Variants in RTF1 observed in about 807,000 individuals in gnomAD.
The protein encoded by RTF1 is RTF1 homolog, Paf1/RNA polymerase II complex component, also known as RNA polymerase-associated protein RTF1 homolog.
In RTF1, 10 loss-of-function variants were observed where a neutral mutation model predicts 95.7. The observed-to-expected ratio is 0.10, with a 90% confidence interval of 0.06 to 0.18. The LOEUF (loss-of-function observed/expected upper bound fraction) is 0.18, where lower values mean the gene tolerates loss of function less well. RTF1 is among the 10% of genes least tolerant of loss of function. The pLI is 1.00. For missense variants in RTF1, 458 were observed against 875.6 expected (o/e 0.52, Z 6.02); for synonymous variants, 305 against 311.8 (o/e 0.98, Z 0.23).
Position 41,417,107 on chromosome 15 carries a change from G to A in RTF1, c.-9G>A, listed in dbSNP as rs1017760315. The A allele has an allele frequency of 5.7e-6, 7 of 1,236,116 alleles. No individual in the cohort carries two copies. Among genetic ancestry groups the A allele is most frequent in the African/African-American group, 1.6e-5 (1 of 64,140 alleles). 76.6% of individuals were successfully genotyped at this position (1,236,116 alleles called of 1,614,324 possible). A position where few individuals can be genotyped will look rare whatever the true frequency, so the allele number is the denominator to read the frequency against. On this transcript the variant is annotated 5_prime_UTR_variant, in exon 1 of 18. Transcript: ENST00000389629. ...GGGGGCGGGGCCAGGGGGGCGGAGC[G>A]GAGCGCGCATGCGCGGTCGCCTTTG... is the stretch of plus-strand genomic sequence containing the variant.
chr15:41,437,583 A>G (rs918134572), intron 1 of RTF1, among the ~76,000 whole-genome samples: 8 of 152,228 alleles, frequency 5.3e-5, no homozygotes. Flanking sequence ...AAGCAGAGCA[A>G]GTAACCTTTT....
chr15:41,458,908 TA>T, intron 4 of RTF1, among the ~76,000 whole-genome samples: 1 of 150,474 alleles, frequency 6.6e-6, no homozygotes, highest in Non-Finnish European at 1.5e-5. Flanking sequence ...CCATCTCTAC[TA>T]AAAATACAAA....
At chr15:41,465,647 A>C (rs1191028992) in intron 5 of RTF1, among the ~76,000 whole-genome samples, 1 of 152,168 alleles carries the variant, frequency 6.6e-6, no homozygotes. Flanking sequence ...TTTTAAAAAA[A>C]AAAAGCAGCC....
intron 1 of RTF1, among the ~76,000 whole-genome samples, chr15:41,423,687 A>T (rs1209729619): frequency 6.6e-6 from 1 of 152,014 alleles, no homozygotes; most frequent in Non-Finnish European, 1.5e-5. Context: ...TTTAACAGTG[A>T]GGCTTTTAGG....
At chr15:41,459,116 C>T (rs1028561672) in intron 4 of RTF1, among the ~76,000 whole-genome samples, 2 of 151,866 alleles carry the variant, frequency 1.3e-5, no homozygotes, top group Admixed American at 6.6e-5. Flanking sequence ...CGCGGCGGCT[C>T]ACACCTGTAA....
intron 5 of RTF1, 30 bp downstream of exon 5, chr15:41,464,915 A>T: frequency 6.6e-7 from 1 of 1,510,250 alleles, no homozygotes; most frequent in Non-Finnish European, 8.8e-7. Context: ...TCATTGTCCA[A>T]AGAATAAACC....
At position 41,478,249 on chromosome 15, in the gene RTF1, A is replaced by G. The variant is rs557799170; in HGVS notation, c.1741-299A>G. Among the ~76,000 whole-genome samples, 15 of 152,116 alleles carry G rather than the reference A, an allele frequency of 9.9e-5. No individual in the cohort carries two copies. In the South Asian group the frequency reaches 3.1e-3, roughly 32 times the overall value. On this transcript the variant is annotated intron_variant, in intron 14 of 17. Transcript: ENST00000389629. ...AACCCTGTCTCTACTAAAAATACAA[A>G]AATTAGCTGGGTTTGGTGGCTTGCA...
rs1443985189 is a variant in RTF1, at chr15:41,417,582, G to T, written c.198+269G>T. Among the ~76,000 whole-genome samples, 20 of 152,334 alleles carry T rather than the reference G, an allele frequency of 1.3e-4. No homozygotes were observed. In the East Asian group the frequency reaches 3.1e-3, roughly 24 times the overall value. On this transcript the variant is annotated intron_variant, in intron 1 of 17. Coordinates refer to ENST00000389629, the MANE Select transcript of RTF1 (RefSeq NM_015138.5). ...CCGTTGGGCCTCGGGCTCGGGGGTA[G>T]CGAAAGGGGCCGCGATCTTCCGGGG...
At chr15:41,424,407 C>T (rs976045127) in intron 1 of RTF1, among the ~76,000 whole-genome samples, 1 of 152,014 alleles carries the variant, frequency 6.6e-6, no homozygotes, top group African/African-American at 2.4e-5. Flanking sequence ...AGAAATGAGA[C>T]AGGAAGGACC....
At chr15:41,423,532 G>A (rs564430137) in intron 1 of RTF1, among the ~76,000 whole-genome samples, 38 of 151,776 alleles carry the variant, frequency 2.5e-4, no homozygotes, top group African/African-American at 8.7e-4. Context: ...ACCACTCCCG[G>A]CTAATTTTAC....
Position 41,457,796 on chromosome 15 carries a change from C to T in RTF1, c.582C>T (p.Ala194=), listed in dbSNP as rs1279893261. The T allele has an allele frequency of 1.9e-6, 3 of 1,613,994 alleles. No homozygotes were observed. Among genetic ancestry groups the T allele is most frequent in the Non-Finnish European group, 1.7e-6 (2 of 1,179,992 alleles). Residue 194 remains alanine, a synonymous_variant, in exon 4 of 18, where the codon GCC becomes GCT. Coordinates refer to ENST00000389629, the MANE Select transcript of RTF1 (RefSeq NM_015138.5). The part of the protein sequence containing the change: ...EDLMGDEEDR[A]RLEQMTEKER... ...TCATGGGAGATGAGGAAGACAGGGC[C>T]CGTCTGGAACAGATGACAGAGAAAG...
At chr15:41,418,802 GA>G (rs1211716573) in intron 1 of RTF1, among the ~76,000 whole-genome samples, 2 of 145,634 alleles carry the variant, frequency 1.4e-5, no homozygotes, top group Non-Finnish European at 3.0e-5. Flanking sequence ...AAAAAAAAAA[GA>G]AAAGAAAGAA....
At position 41,471,289 on chromosome 15, in the gene RTF1, T is replaced by G; in HGVS notation, c.1143T>G (p.Thr381=). ...RWCHMPFFAK[T]VTGCFVRIGI... ...GTCACATGCCCTTCTTTGCTAAAAC[T>G]GTCACAGGATGTTTTGTGCGGATTG... The change falls in exon 8 of 18, where the codon ACT becomes ACG. Residue 381 remains threonine, a synonymous_variant. Coordinates refer to ENST00000389629, the MANE Select transcript of RTF1 (RefSeq NM_015138.5). 6.2e-7 allele frequency: 1 copy of G among 1,614,082 alleles called. No homozygotes were observed. Among genetic ancestry groups the G allele is most frequent in the Non-Finnish European group, 8.5e-7 (1 of 1,180,008 alleles).
intron 1 of RTF1, among the ~76,000 whole-genome samples, chr15:41,426,100 T>G (rs2050627780): frequency 6.6e-6 from 1 of 151,734 alleles, no homozygotes; most frequent in African/African-American, 2.4e-5. Flanking sequence ...CTAGGCAACA[T>G]GATGATGAAA....
chr15:41,472,203 T>G (rs540453574), intron 8 of RTF1, among the ~76,000 whole-genome samples: 6 of 149,836 alleles, frequency 4.0e-5, no homozygotes, highest in Non-Finnish European at 8.9e-5. Flanking sequence ...TTATTTTTAT[T>G]TATTTGTTGT....
At position 41,444,863 on chromosome 15, in the gene RTF1, C is replaced by T. The variant is rs567654703; in HGVS notation, c.309+6432C>T. Among the ~76,000 whole-genome samples, 5 of 152,204 alleles carry T rather than the reference C, an allele frequency of 3.3e-5. No individual in the cohort carries two copies. The East Asian group carries it at 7.7e-4, about 23-fold the overall frequency. On this transcript the variant is annotated intron_variant, in intron 2 of 17. Transcript: ENST00000389629. ...CCATAGAGTTTAGGCTGGAATACTG[C>T]GCTTTAGTACTTGAACTTAGTGACA...
intron 15 of RTF1, 141 bp downstream of exon 15, chr15:41,478,766 C>T: frequency 2.7e-6 from 2 of 730,726 alleles, no homozygotes. Flanking sequence ...GGTCTGGATA[C>T]TTCCTTTTTT....
At chr15:41,427,104 T>C (rs1225575551) in intron 1 of RTF1, among the ~76,000 whole-genome samples, 1 of 148,012 alleles carries the variant, frequency 6.8e-6, no homozygotes, top group Non-Finnish European at 1.5e-5. Flanking sequence ...CCTCCCAAAG[T>C]GCTGGGACTA....
In RTF1 at chr15:41,439,126, G is replaced by A. The variant is rs528702399; in HGVS notation, c.309+695G>A. 1.3e-3 allele frequency among the ~76,000 whole-genome samples: 203 copies of A among 151,076 alleles called. 1 individual carries two copies. Among genetic ancestry groups the A allele is most frequent in the South Asian group, 6.5e-3 (31 of 4,770 alleles). ...GGCTCACTGCAACTTCCGCCTTCCA[G>A]GTTCACGCCATTCTCCTGCCTCAGC... On this transcript the variant is annotated intron_variant, in intron 2 of 17. Transcript: ENST00000389629.
Sources: gnomAD v4.1 joint callset for allele counts (sites outside exome capture counted in the v4.1 genomes callset) on GRCh38, gnomAD v4.1.1 for gene constraint, MANE v1.5 for transcripts, NCBI Gene and HGNC (gene_info 2026-07-23, HGNC 2026-07-21) for gene names.